Variants in H2BC9 observed in about 807,000 individuals in gnomAD.
H2BC9 encodes the protein histone H2B type 1-H.
Under a neutral mutation model 5.8 loss-of-function variants are expected in H2BC9, and 11 were observed. The ratio of observed to expected loss-of-function variants is 1.89; its 90% CI spans 1.19 to 3.12. H2BC9 has a LOEUF of 3.12. Ranked by LOEUF, H2BC9 falls within the 30% of genes most tolerant of loss-of-function variation. The probability of loss-of-function intolerance (pLI) is 0.00; values close to 1 mark genes in which losing one functional copy is unlikely to be tolerated. For synonymous variants in H2BC9, 136 were observed against 72.2 expected (o/e 1.88, Z -4.48); for missense variants, 219 against 167.8 (o/e 1.30, Z -1.68).
In H2BC9 at chr6:26,251,717, C is replaced by T. The variant is rs1561759714; in HGVS notation, c.67C>T (p.Gln23Ter). The T allele has an allele frequency of 6.2e-7, 1 of 1,614,024 alleles. No individual in the cohort carries two copies. Among genetic ancestry groups the T allele is most frequent in the African/African-American group, 1.3e-5 (1 of 74,910 alleles). ...KGSKKAVTKA[Q>*]KKDGKKRKRS... ...CTCCAAGAAGGCGGTGACCAAGGCG[C>T]AGAAGAAGGATGGCAAGAAGCGTAA... The change falls in exon 1 of 1, where the codon CAG becomes TAG. Residue 23 changes from glutamine to a stop codon, truncating the protein, a stop_gained. Transcript: ENST00000619466. LOFTEE classifies it high-confidence loss of function.
Position 26,251,797 on chromosome 6 carries a change from C to T in H2BC9, c.147C>T (p.Val49=). The change falls in exon 1 of 1, where the codon GTC becomes GTT. Residue 49 remains valine, a synonymous_variant. Coordinates refer to ENST00000619466, the MANE Select transcript of H2BC9 (RefSeq NM_003524.3). ...SVYVYKVLKQ[V]HPDTGISSKA... is the part of the protein sequence containing the mutation. ...ACGTTTACAAGGTGCTGAAGCAAGT[C>T]CACCCCGACACCGGCATCTCCTCCA... The T allele has an allele frequency of 1.2e-6, 2 of 1,614,228 alleles. No homozygotes were observed. Among genetic ancestry groups the T allele is most frequent in the African/African-American group, 2.7e-5 (2 of 75,062 alleles).
At position 26,251,658 on chromosome 6, in the gene H2BC9, ATCCAGCTAAG is replaced by A. The variant is rs777575126; in HGVS notation, c.12_21del (p.Ala5LeufsTer12). 36 of 1,613,982 alleles carry A rather than the reference ATCCAGCTAAG, an allele frequency of 2.2e-5. No homozygotes were observed. Among genetic ancestry groups the A allele is most frequent in the East Asian group, 1.6e-4 (7 of 44,890 alleles). ...CTCCTTTATCTTGTTGCAATGCCTG[ATCCAGCTAAG>A]TCCGCTCCCGCCCCGAAGAAGGGCT... On this transcript the variant is annotated frameshift_variant, in exon 1 of 1. Transcript: ENST00000619466. LOFTEE classifies it high-confidence loss of function.
Position 26,251,823 on chromosome 6 carries a change from A to G in H2BC9, c.173A>G (p.Lys58Arg), listed in dbSNP as rs1760084228. Residue 58 changes from lysine (K) to arginine (R), a missense_variant, in exon 1 of 1, where the codon AAA becomes AGA. Physicochemically the swap from Lys to Arg is conservative, Grantham distance 26. Coordinates refer to ENST00000619466, the MANE Select transcript of H2BC9 (RefSeq NM_003524.3). ...QVHPDTGISSKAMGIMNSFVN... is the reference protein window; with the variant it reads ...QVHPDTGISSRAMGIMNSFVN... ...CACCCCGACACCGGCATCTCCTCCA[A>G]AGCCATGGGGATCATGAATTCCTTT... is the stretch of plus-strand genomic sequence containing the variant. 6.2e-7 allele frequency: 1 copy of G among 1,614,058 alleles called. No individual in the cohort carries two copies. Among genetic ancestry groups the G allele is most frequent in the African/African-American group, 1.3e-5 (1 of 74,920 alleles).
In H2BC9 at chr6:26,252,004, C is replaced by A. The variant is rs753549539; in HGVS notation, c.354C>A (p.Ala118=). The change falls in exon 1 of 1, where the codon GCC becomes GCA. Residue 118 remains alanine (A), a synonymous_variant. Transcript: ENST00000619466. ...ACGCCGTGTCCGAGGGCACTAAGGC[C>A]GTCACCAAGTACACCAGCTCCAAAT... The part of the protein sequence containing the change: ...AKHAVSEGTK[A]VTKYTSSK The A allele has an allele frequency of 1.9e-5, 30 of 1,614,072 alleles. No individual in the cohort carries two copies. Among genetic ancestry groups the A allele is most frequent in the Non-Finnish European group, 2.1e-5 (25 of 1,180,042 alleles).
In H2BC9 at chr6:26,251,867, C is replaced by G. The variant is rs1354208397; in HGVS notation, c.217C>G (p.Arg73Gly). Residue 73 changes from arginine to glycine, a missense_variant, in exon 1 of 1, where the codon CGC becomes GGC. Physicochemically the swap from Arg to Gly is moderately radical, Grantham distance 125. Transcript: ENST00000619466. ...MNSFVNDIFERIAGEASRLAH... is the reference protein window; with the variant it reads ...MNSFVNDIFEGIAGEASRLAH... ...TTCCTTTGTCAACGATATCTTCGAG[C>G]GCATCGCCGGCGAGGCTTCCCGCCT... The G allele has an allele frequency of 1.2e-6, 2 of 1,614,050 alleles. No individual in the cohort carries two copies. Among genetic ancestry groups the G allele is most frequent in the Non-Finnish European group, 1.7e-6 (2 of 1,180,048 alleles).
chr6:26,251,795 G>C lies in H2BC9; in HGVS notation c.145G>C (p.Val49Leu). 2 of 1,614,228 alleles carry C rather than the reference G, an allele frequency of 1.2e-6. No homozygotes were observed. The highest frequency in any genetic ancestry group is 8.5e-7 in the Non-Finnish European group (1 of 1,180,038). ...ATACGTTTACAAGGTGCTGAAGCAA[G>C]TCCACCCCGACACCGGCATCTCCTC... is the stretch of plus-strand genomic sequence containing the variant. ...SVYVYKVLKQ[V>L]HPDTGISSKA... Residue 49 changes from valine (V) to leucine (L), a missense_variant, in exon 1 of 1, where the codon GTC becomes CTC. Transcript: ENST00000619466.
Position 26,251,774 on chromosome 6 carries a change from G to C in H2BC9, c.124G>C (p.Val42Leu), listed in dbSNP as rs1326599450. The C allele has an allele frequency of 6.2e-7, 1 of 1,614,102 alleles. No homozygotes were observed. The highest frequency in any genetic ancestry group is 1.7e-5 in the Admixed American group (1 of 60,008). ...RSRKESYSVY[V>L]YKVLKQVHPD... Reference sequence around the variant, plus strand: ...CCGCAAGGAGAGCTACTCCGTATACGTTTACAAGGTGCTGAAGCAAGTCCA... The same window carrying C: ...CCGCAAGGAGAGCTACTCCGTATACCTTTACAAGGTGCTGAAGCAAGTCCA... Residue 42 changes from valine (V) to leucine (L), a missense_variant, in exon 1 of 1, where the codon GTT (valine) becomes CTT (leucine). Val to Leu is a conservative substitution (Grantham distance 32). Transcript: ENST00000619466.
chr6:26,251,942 G>C lies in H2BC9; in HGVS notation c.292G>C (p.Ala98Pro), dbSNP rs751932867. 6.2e-7 allele frequency: 1 copy of C among 1,614,220 alleles called. No individual in the cohort carries two copies. The highest frequency in any genetic ancestry group is 2.2e-5 in the East Asian group (1 of 44,886). Reference protein sequence around the residue: ...STITSREIQTAVRLLLPGELA... With the variant: ...STITSREIQTPVRLLLPGELA... ...CATCACCTCCAGGGAGATCCAGACA[G>C]CCGTGCGCCTGCTGCTGCCTGGGGA... Residue 98 changes from alanine (A) to proline (P), a missense_variant, in exon 1 of 1, where the codon GCC becomes CCC. Coordinates refer to ENST00000619466, the MANE Select transcript of H2BC9 (RefSeq NM_003524.3).
Position 26,251,704 on chromosome 6 carries a change from G to C in H2BC9, c.54G>C (p.Ala18=), listed in dbSNP as rs139273319. ...CCCCGAAGAAGGGCTCCAAGAAGGCGGTGACCAAGGCGCAGAAGAAGGATG... is the reference window on the plus strand; with the variant it reads ...CCCCGAAGAAGGGCTCCAAGAAGGCCGTGACCAAGGCGCAGAAGAAGGATG... ...APAPKKGSKK[A]VTKAQKKDGK... The change falls in exon 1 of 1, where the codon GCG becomes GCC. Residue 18 remains alanine (A), a synonymous_variant. Transcript: ENST00000619466. 610 of 1,614,146 alleles carry C rather than the reference G, an allele frequency of 3.8e-4. 2 individuals are homozygous for C. In the African/African-American group the frequency reaches 5.3e-3, roughly 14 times the overall value.
At position 26,252,045 on chromosome 6, in the gene H2BC9, C is replaced by T. The variant is rs368923300; in HGVS notation, c.*14C>T. Reference sequence around the variant, plus strand: ...AGCTCCAAATAAATGGACGCATGTTCAAACCCAAAGGCTCTTTTCAGAGCC... The same window carrying T: ...AGCTCCAAATAAATGGACGCATGTTTAAACCCAAAGGCTCTTTTCAGAGCC... On this transcript the variant is annotated 3_prime_UTR_variant, in exon 1 of 1. Coordinates refer to ENST00000619466, the MANE Select transcript of H2BC9 (RefSeq NM_003524.3). 1.2e-6 allele frequency: 2 copies of T among 1,614,096 alleles called. No homozygotes were observed. The highest frequency in any genetic ancestry group is 8.5e-7 in the Non-Finnish European group (1 of 1,180,004).
At position 26,251,757 on chromosome 6, in the gene H2BC9, A is replaced by G. The variant is rs1760079089; in HGVS notation, c.107A>G (p.Glu36Gly). ...AAGAAGCGTAAACGCAGCCGCAAGG[A>G]GAGCTACTCCGTATACGTTTACAAG... ...DGKKRKRSRK[E>G]SYSVYVYKVL... The change falls in exon 1 of 1, where the codon GAG (glutamate) becomes GGG (glycine). Residue 36 changes from glutamate to glycine, a missense_variant. Coordinates refer to ENST00000619466, the MANE Select transcript of H2BC9 (RefSeq NM_003524.3). The G allele has an allele frequency of 6.2e-7, 1 of 1,614,116 alleles. No homozygotes were observed. Among genetic ancestry groups the G allele is most frequent in the Admixed American group, 1.7e-5 (1 of 60,002 alleles).
In H2BC9 at chr6:26,251,798, C is replaced by T. The variant is rs1469005116; in HGVS notation, c.148C>T (p.His50Tyr). 6 of 1,614,078 alleles carry T rather than the reference C, an allele frequency of 3.7e-6. No individual in the cohort carries two copies. The highest frequency in any genetic ancestry group is 5.1e-6 in the Non-Finnish European group (6 of 1,180,030). ...CGTTTACAAGGTGCTGAAGCAAGTC[C>T]ACCCCGACACCGGCATCTCCTCCAA... is the stretch of plus-strand genomic sequence containing the variant. Reference protein sequence around the residue: ...VYVYKVLKQVHPDTGISSKAM... With the variant: ...VYVYKVLKQVYPDTGISSKAM... Residue 50 changes from histidine to tyrosine, a missense_variant, in exon 1 of 1, where the codon CAC (histidine) becomes TAC (tyrosine). Physicochemically the swap from His to Tyr is moderately conservative, Grantham distance 83. Coordinates refer to ENST00000619466, the MANE Select transcript of H2BC9 (RefSeq NM_003524.3).
At position 26,252,030 on chromosome 6, in the gene H2BC9, A is replaced by G. The variant is rs1055525171; in HGVS notation, c.380A>G (p.Ter127=). ...KAVTKYTSSK[*] is the part of the protein sequence containing the mutation. The stretch of plus-strand genomic sequence containing the variant: ...GTCACCAAGTACACCAGCTCCAAAT[A>G]AATGGACGCATGTTCAAACCCAAAG... Residue 127 remains the stop codon, a stop_retained_variant, in exon 1 of 1, where the codon TAA becomes TGA. Coordinates refer to ENST00000619466, the MANE Select transcript of H2BC9 (RefSeq NM_003524.3). 4.3e-6 allele frequency: 7 copies of G among 1,614,038 alleles called. No homozygotes were observed. The Admixed American group carries it at 6.7e-5, about 15-fold the overall frequency.
rs1760092581 is a variant in H2BC9 at position 26,252,028 on chromosome 6, A to G, written c.378A>G (p.Lys126=). The G allele has an allele frequency of 6.2e-7, 1 of 1,614,134 alleles. No individual in the cohort carries two copies. Among genetic ancestry groups the G allele is most frequent in the Non-Finnish European group, 8.5e-7 (1 of 1,180,022 alleles). ...CCGTCACCAAGTACACCAGCTCCAA[A>G]TAAATGGACGCATGTTCAAACCCAA... ...TKAVTKYTSS[K] Residue 126 remains lysine (K), a synonymous_variant, in exon 1 of 1, where the codon AAA becomes AAG. Coordinates refer to ENST00000619466, the MANE Select transcript of H2BC9 (RefSeq NM_003524.3).
Position 26,251,885 on chromosome 6 carries a change from T to C in H2BC9, c.235T>C (p.Ser79Pro), listed in dbSNP as rs1399428830. 2 of 1,614,186 alleles carry C rather than the reference T, an allele frequency of 1.2e-6. No homozygotes were observed. Residue 79 changes from serine (S) to proline (P), a missense_variant, in exon 1 of 1, where the codon TCC becomes CCC. Coordinates refer to ENST00000619466, the MANE Select transcript of H2BC9 (RefSeq NM_003524.3). ...CTTCGAGCGCATCGCCGGCGAGGCT[T>C]CCCGCCTGGCTCATTACAACAAGCG... ...DIFERIAGEA[S>P]RLAHYNKRST...
In H2BC9 at chr6:26,251,918, A is replaced by G. The variant is rs559834617; in HGVS notation, c.268A>G (p.Ile90Val). ...GGCTCATTACAACAAGCGTTCGACC[A>G]TCACCTCCAGGGAGATCCAGACAGC... ...RLAHYNKRST[I>V]TSREIQTAVR... The change falls in exon 1 of 1, where the codon ATC (isoleucine) becomes GTC (valine). Residue 90 changes from isoleucine (I) to valine (V), a missense_variant. Physicochemically the swap from Ile to Val is conservative, Grantham distance 29. Transcript: ENST00000619466. 10 of 1,614,190 alleles carry G rather than the reference A, an allele frequency of 6.2e-6. No homozygotes were observed. Among genetic ancestry groups the G allele is most frequent in the South Asian group, 1.1e-5 (1 of 91,092 alleles).
At position 26,251,888 on chromosome 6, in the gene H2BC9, C is replaced by A. The variant is rs200645025; in HGVS notation, c.238C>A (p.Arg80Ser). Residue 80 changes from arginine to serine, a missense_variant, in exon 1 of 1, where the codon CGC (arginine) becomes AGC (serine). Arg to Ser is a moderately radical substitution (Grantham distance 110). Coordinates refer to ENST00000619466, the MANE Select transcript of H2BC9 (RefSeq NM_003524.3). ...IFERIAGEASRLAHYNKRSTI... is the reference protein window; with the variant it reads ...IFERIAGEASSLAHYNKRSTI... ...CGAGCGCATCGCCGGCGAGGCTTCC[C>A]GCCTGGCTCATTACAACAAGCGTTC... 49 of 1,614,208 alleles carry A rather than the reference C, an allele frequency of 3.0e-5. No homozygotes were observed. Among genetic ancestry groups the A allele is most frequent in the Non-Finnish European group, 2.3e-5 (27 of 1,180,038 alleles).
In H2BC9 at chr6:26,251,636, C is replaced by A. The variant is rs779996839; in HGVS notation, c.-15C>A. On this transcript the variant is annotated 5_prime_UTR_variant, in exon 1 of 1. Coordinates refer to ENST00000619466, the MANE Select transcript of H2BC9 (RefSeq NM_003524.3). ...TTCACTTTGGGGTGTATTCTTACTC[C>A]TTTATCTTGTTGCAATGCCTGATCC... 1.9e-6 allele frequency: 3 copies of A among 1,613,992 alleles called. No individual in the cohort carries two copies. The highest frequency in any genetic ancestry group is 1.7e-6 in the Non-Finnish European group (2 of 1,179,978).
rs373375118 is a variant in H2BC9 at position 26,251,640 on chromosome 6, A to G, written c.-11A>G. ...CTTTGGGGTGTATTCTTACTCCTTT[A>G]TCTTGTTGCAATGCCTGATCCAGCT... On this transcript the variant is annotated 5_prime_UTR_variant, in exon 1 of 1. Transcript: ENST00000619466. The G allele has an allele frequency of 2.5e-6, 4 of 1,614,004 alleles. No individual in the cohort carries two copies. Among genetic ancestry groups the G allele is most frequent in the Admixed American group, 3.3e-5 (2 of 59,966 alleles).
Sources: allele counts gnomAD v4.1 joint callset, GRCh38; gene constraint gnomAD v4.1.1; transcripts MANE v1.5; gene names NCBI Gene and HGNC (gene_info 2026-07-23, HGNC 2026-07-21).